The following THSD7B variants were observed in gnomAD, a reference collection of about 807,000 sequenced individuals.
The protein encoded by THSD7B is thrombospondin type-1 domain-containing protein 7B.
In THSD7B, 138 loss-of-function variants were observed where a neutral mutation model predicts 213.6. The observed-to-expected ratio is 0.65, with a 90% CI of 0.56 to 0.74. The LOEUF is 0.74. Ranked by LOEUF, THSD7B falls within the 30% of genes least tolerant of loss-of-function variation. THSD7B has a pLI of 0.00. For missense variants in THSD7B, 1,931 were observed against 1,991.5 expected (o/e 0.97, Z 0.58); for synonymous variants, 742 against 687.0 (o/e 1.08, Z -1.25).
chr2:137,310,036 T>C (rs1385886771), intron 12 of THSD7B, among the ~76,000 whole-genome samples: 1 of 151,150 alleles, frequency 6.6e-6, no homozygotes, highest in African/African-American at 2.4e-5. Context: ...ATGGGATGGC[T>C]GGGTCAAATG....
At chr2:137,442,296 T>G (rs1417156094) in intron 14 of THSD7B, among the ~76,000 whole-genome samples, 1 of 152,162 alleles carries the variant, frequency 6.6e-6, no homozygotes, top group Non-Finnish European at 1.5e-5. Flanking sequence ...TCTAGCTTAA[T>G]TGTATTTTCT....
At chr2:136,855,939 G>A (rs918899622) in intron 1 of THSD7B, among the ~76,000 whole-genome samples, 1 of 151,842 alleles carries the variant, frequency 6.6e-6, no homozygotes, top group Non-Finnish European at 1.5e-5. Context: ...TCACATGGCT[G>A]GCTCCTTCTT....
intron 2 of THSD7B, among the ~76,000 whole-genome samples, chr2:136,924,769 C>A (rs115602730): frequency 6.6e-6 from 1 of 152,054 alleles, no homozygotes; most frequent in African/African-American, 2.4e-5. Context: ...CTTGGGAAAG[C>A]GTGATCATTT....
intron 2 of THSD7B, among the ~76,000 whole-genome samples, chr2:136,944,823 G>A (rs1314221606): frequency 6.6e-6 from 1 of 151,410 alleles, no homozygotes; most frequent in Non-Finnish European, 1.5e-5. Flanking sequence ...ACGCACTGAT[G>A]GGTCTTGACT....
chr2:136,895,183 C>A (rs969174261), intron 2 of THSD7B, among the ~76,000 whole-genome samples: 1 of 152,052 alleles, frequency 6.6e-6, no homozygotes, highest in African/African-American at 2.4e-5. Flanking sequence ...TTTTGTTTCT[C>A]TTATATAGGC....
intron 2 of THSD7B, among the ~76,000 whole-genome samples, chr2:136,994,956 C>A (rs1685856682): frequency 6.6e-6 from 1 of 152,194 alleles, no homozygotes; most frequent in South Asian, 2.1e-4. Flanking sequence ...CTGGGATCTT[C>A]AGCTAAAGCA....
chr2:137,570,302 T>C (rs1231933349), intron 16 of THSD7B, among the ~76,000 whole-genome samples: 10 of 150,940 alleles, frequency 6.6e-5, no homozygotes, highest in Admixed American at 6.6e-4. Flanking sequence ...CTATTATTAT[T>C]AATTATTATT....
intron 1 of THSD7B, among the ~76,000 whole-genome samples, chr2:136,782,728 T>G (rs373717633): frequency 1.8e-4 from 27 of 152,170 alleles, no homozygotes; most frequent in African/African-American, 6.3e-4. Flanking sequence ...GTCGATATAT[T>G]GTATTCTTGA....
rs56042301 is a variant in THSD7B, at chr2:136,933,108, ATTCCTTCCTTCCTTCC to A, written c.139+50837_139+50852del. Reference sequence around the variant, plus strand: ...TTGTAGATTATATATTTTGCCCGCCATTCCTTCCTTCCTTCCTTCCTTCCTTCCTTCCTTCCTTCCT... The same window carrying A: ...TTGTAGATTATATATTTTGCCCGCCATTCCTTCCTTCCTTCCTTCCTTCCT... On this transcript the variant is annotated intron_variant, in intron 2 of 27. Transcript: ENST00000409968. Among the ~76,000 whole-genome samples the A allele has an allele frequency of 5.6e-3, 732 of 130,772 alleles. 23 individuals carry two copies. The highest frequency in any genetic ancestry group is 0.038 in the East Asian group (165 of 4,362). 85.8% of individuals were successfully genotyped at this position (130,772 alleles called of 152,430 possible).
chr2:137,036,504 C>A (rs1341472641), intron 2 of THSD7B, among the ~76,000 whole-genome samples: 1 of 152,116 alleles, frequency 6.6e-6, no homozygotes, highest in Non-Finnish European at 1.5e-5. Flanking sequence ...TTTCAGTATA[C>A]TTGAAGTAAC....
At chr2:136,876,147 ATTAC>A (rs1483638435) in intron 1 of THSD7B, among the ~76,000 whole-genome samples, 3 of 152,212 alleles carry the variant, frequency 2.0e-5, no homozygotes, top group Non-Finnish European at 4.4e-5. Flanking sequence ...CCTGCTAGCT[ATTAC>A]TTTATTAACT....
At chr2:137,096,368 C>G (rs1223035549) in intron 4 of THSD7B, among the ~76,000 whole-genome samples, 16 of 152,196 alleles carry the variant, frequency 1.1e-4, no homozygotes, top group Admixed American at 9.8e-4. Context: ...GGGCTGCAGC[C>G]TGGCTCTTCC....
At chr2:137,250,866 C>G (rs886468764) in intron 10 of THSD7B, among the ~76,000 whole-genome samples, 6 of 152,164 alleles carry the variant, frequency 3.9e-5, no homozygotes, top group African/African-American at 1.4e-4. Context: ...CCAAATCTTA[C>G]TACAGCCTAA....
intron 14 of THSD7B, among the ~76,000 whole-genome samples, chr2:137,448,231 C>A (rs1053740509): frequency 1.2e-4 from 18 of 152,166 alleles, no homozygotes; most frequent in African/African-American, 4.3e-4. Context: ...GTTTTAAGAA[C>A]AGAAAAGGAA....
intron 1 of THSD7B, among the ~76,000 whole-genome samples, chr2:136,851,164 A>G (rs1002341332): frequency 6.6e-6 from 1 of 152,050 alleles, no homozygotes; most frequent in African/African-American, 2.4e-5. Flanking sequence ...TTGATACCTA[A>G]CATATTCTTT....
chr2:137,048,382 G>A (rs1020707334), intron 2 of THSD7B, among the ~76,000 whole-genome samples: 4 of 152,004 alleles, frequency 2.6e-5, no homozygotes, highest in African/African-American at 4.8e-5. Flanking sequence ...TGCACTAAAT[G>A]TTCTGTCCAC....
chr2:137,337,988 A>G (rs1240822453), intron 12 of THSD7B, among the ~76,000 whole-genome samples: 1 of 152,038 alleles, frequency 6.6e-6, no homozygotes, highest in African/African-American at 2.4e-5. Context: ...CTATATACAA[A>G]TAACCCCAAA....
chr2:137,283,578 TA>T (rs1683089759), intron 12 of THSD7B, among the ~76,000 whole-genome samples: 1 of 152,228 alleles, frequency 6.6e-6, no homozygotes, highest in Middle Eastern at 3.2e-3. Context: ...TTCCCATCAA[TA>T]GCTAATTTAT....
At chr2:137,260,557 G>T (rs2105082081) in intron 10 of THSD7B, among the ~76,000 whole-genome samples, 2 of 152,294 alleles carry the variant, frequency 1.3e-5, no homozygotes, top group South Asian at 4.1e-4. Context: ...GAGCCCCGGA[G>T]TTGGAGATGA....
Sources: gnomAD v4.1 joint callset for allele counts (sites outside exome capture counted in the v4.1 genomes callset) on GRCh38, gnomAD v4.1.1 for gene constraint, MANE v1.5 for transcripts, NCBI Gene and HGNC (gene_info 2026-07-23, HGNC 2026-07-21) for gene names.